Variants in KLF13 observed in about 807,000 individuals in gnomAD.
The protein encoded by KLF13 is KLF transcription factor 13, also known as Krueppel-like factor 13.
Under a neutral mutation model 16.7 loss-of-function variants are expected in KLF13, and 8 were observed. That is an observed-to-expected ratio of 0.48 (90% CI 0.28 to 0.87). The LOEUF (loss-of-function observed/expected upper bound fraction) is 0.87, where lower values mean the gene tolerates loss of function less well. Among genes scored for constraint, KLF13 ranks in the 40% least tolerant of loss-of-function variants. The pLI is 0.10. For synonymous variants in KLF13, 245 were observed against 208.4 expected (o/e 1.18, Z -1.51); for missense variants, 447 against 452.2 (o/e 0.99, Z 0.10).
chr15:31,422,764 G>A (rs989187611), intron 1 of KLF13, among the ~76,000 whole-genome samples: 3 of 152,172 alleles, frequency 2.0e-5, no homozygotes, highest in Non-Finnish European at 4.4e-5. Flanking sequence ...GCTGGGCGCA[G>A]TGGCTCAGGC....
intron 1 of KLF13, among the ~76,000 whole-genome samples, chr15:31,334,496 C>T (rs933186385): frequency 2.0e-5 from 3 of 151,952 alleles, no homozygotes; most frequent in Admixed American, 6.5e-5. Context: ...GGCACAATCT[C>T]GGCTCACTGC....
chr15:31,337,180 G>A (rs1195140309), intron 1 of KLF13, among the ~76,000 whole-genome samples: 1 of 152,218 alleles, frequency 6.6e-6, no homozygotes, highest in East Asian at 1.9e-4. Flanking sequence ...CATGCTAAGT[G>A]GCCTGCGGCA....
intron 1 of KLF13, among the ~76,000 whole-genome samples, chr15:31,414,102 G>A (rs2040228669): frequency 6.6e-6 from 1 of 152,132 alleles, no homozygotes; most frequent in South Asian, 2.1e-4. Context: ...GAACAGGGCT[G>A]TATAGGAATA....
intron 1 of KLF13, among the ~76,000 whole-genome samples, chr15:31,352,020 A>G (rs1309321548): frequency 6.6e-6 from 1 of 152,108 alleles, no homozygotes; most frequent in Non-Finnish European, 1.5e-5. Flanking sequence ...TCAAAAAAAA[A>G]AAAGGGAGGC....
exon 1 of KLF13, chr15:31,393,185 C>T (rs1223177955): frequency 6.6e-6 from 1 of 152,450 alleles, no homozygotes; most frequent in African/African-American, 2.4e-5. Flanking sequence ...AGAACTCGGC[C>T]TGCCCCTACC....
intron 1 of KLF13, chr15:31,435,256 C>A (rs2040516246): frequency 6.6e-6 from 1 of 152,212 alleles, no homozygotes; most frequent in Non-Finnish European, 1.5e-5. Flanking sequence ...AGCTGAAAAC[C>A]TTTGGTTGTG....
rs1299453432 is a variant in KLF13, at chr15:31,372,276, A to G, written c.844A>G (p.Ile282Val). ...YSRSDASSPT[I>V]SPASSP Reference sequence around the variant, plus strand: ...CCGCTCCGACGCCAGCAGCCCCACCATCAGCCCGGCCAGCTCGCCCTGAGC... The same window carrying G: ...CCGCTCCGACGCCAGCAGCCCCACCGTCAGCCCGGCCAGCTCGCCCTGAGC... The change falls in exon 2 of 2, where the codon ATC becomes GTC. Residue 282 changes from isoleucine (I) to valine (V), a missense_variant. Transcript: ENST00000307145. The G allele has an allele frequency of 4.0e-6, 6 of 1,498,428 alleles. No homozygotes were observed. In the East Asian group the frequency reaches 7.3e-5, roughly 18 times the overall value. The allele number at this position is 1,498,428 out of a possible 1,614,324, so 92.8% of individuals were successfully genotyped here.
intron 1 of KLF13, among the ~76,000 whole-genome samples, chr15:31,367,059 G>C (rs945388181): frequency 6.6e-6 from 1 of 152,232 alleles, no homozygotes; most frequent in African/African-American, 2.4e-5. Context: ...CCCACATACA[G>C]GAAAGCTCCT....
downstream of KLF13, among the ~76,000 whole-genome samples, chr15:31,380,911 T>C (rs1420905891): frequency 6.6e-6 from 1 of 152,204 alleles, no homozygotes; most frequent in Non-Finnish European, 1.5e-5. Flanking sequence ...CAGTGGCTTA[T>C]GCCTGTAATC....
intron 1 of KLF13, chr15:31,420,681 C>CTT: frequency 2.3e-5 from 7 of 309,854 alleles, no homozygotes; most frequent in Non-Finnish European, 3.1e-5. Flanking sequence ...CCAGACTGTC[C>CTT]TTTTTTTTTC....
chr15:31,423,165 GTATATATATACATA>G lies in KLF13; in HGVS notation n.118-12200_118-12187del, dbSNP rs1566848532. ...TATACGTATATATACGTATATATATGTATATATATACATATATACGTATATATATATATCAGTAG... is the reference window on the plus strand; with the variant it reads ...TATACGTATATATACGTATATATATGTATACGTATATATATATATCAGTAG... On this transcript the variant is annotated intron_variant and non_coding_transcript_variant, in intron 1 of 1. Transcript: ENST00000558225. Among the ~76,000 whole-genome samples the G allele has an allele frequency of 1.6e-4, 17 of 104,406 alleles. 1 individual carries two copies. The highest frequency in any genetic ancestry group is 1.1e-3 in the South Asian group (4 of 3,724). 68.5% of individuals were successfully genotyped at this position (104,406 alleles called of 152,430 possible). A position where few individuals can be genotyped will look rare whatever the true frequency, so the allele number is the denominator to read the frequency against.
chr15:31,417,548 T>C (rs951682748), intron 1 of KLF13, among the ~76,000 whole-genome samples: 1 of 151,990 alleles, frequency 6.6e-6, no homozygotes, highest in Non-Finnish European at 1.5e-5. Flanking sequence ...GTCTTTTTTT[T>C]CCTTTTTTTT....
chr15:31,349,835 T>A (rs2039188486), intron 1 of KLF13, among the ~76,000 whole-genome samples: 1 of 152,210 alleles, frequency 6.6e-6, no homozygotes. Flanking sequence ...GGTCCCCTCC[T>A]GCCACTTTGA....
At chr15:31,365,642 T>TG (rs1466363019) in intron 1 of KLF13, among the ~76,000 whole-genome samples, 9 of 132,824 alleles carry the variant, frequency 6.8e-5, no homozygotes, top group Non-Finnish European at 1.5e-4. Flanking sequence ...TGTGGGGGGT[T>TG]GGGGGGGAGT....
chr15:31,434,430 AC>A (rs952877779), intron 1 of KLF13, among the ~76,000 whole-genome samples: 8 of 151,966 alleles, frequency 5.3e-5, no homozygotes, highest in Admixed American at 3.9e-4. Context: ...AACCAACAGT[AC>A]CCCCCAAGGG....
chr15:31,382,961 C>T (rs571718933), intron 1 of KLF13, among the ~76,000 whole-genome samples: 1 of 152,348 alleles, frequency 6.6e-6, no homozygotes, highest in Admixed American at 6.5e-5. Flanking sequence ...TTGACCCCTG[C>T]CCCATCATAA....
downstream of KLF13, among the ~76,000 whole-genome samples, chr15:31,405,148 T>G (rs2040105139): frequency 6.6e-6 from 1 of 152,006 alleles, no homozygotes; most frequent in Non-Finnish European, 1.5e-5. Flanking sequence ...ATGAATGAGG[T>G]TAGTGCCTTA....
intron 1 of KLF13, among the ~76,000 whole-genome samples, chr15:31,425,307 A>G (rs745510211): frequency 1.3e-5 from 2 of 152,238 alleles, no homozygotes; most frequent in Non-Finnish European, 2.9e-5. Context: ...GGAATCCTAA[A>G]GAATCCTAAG....
At chr15:31,380,238 GCCGA>G (rs920412182), downstream of KLF13, among the ~76,000 whole-genome samples, 26 of 152,314 alleles carry the variant, frequency 1.7e-4, no homozygotes, top group African/African-American at 6.3e-4. Context: ...GTTGCAGTGA[GCCGA>G]GATCACGCAA....
Sources: allele counts gnomAD v4.1 joint callset (sites outside exome capture counted in the v4.1 genomes callset), GRCh38; gene constraint gnomAD v4.1.1; transcripts MANE v1.5; gene names NCBI Gene and HGNC (gene_info 2026-07-23, HGNC 2026-07-21).